The following SLC38A4 variants were observed in gnomAD, a reference collection of about 807,000 sequenced individuals.
The protein encoded by SLC38A4 is sodium-coupled neutral amino acid transporter 4.
Under a neutral mutation model 63.1 loss-of-function variants are expected in SLC38A4, and 20 were observed. That is an observed-to-expected ratio of 0.32 (90% CI 0.22 to 0.46). SLC38A4 has a LOEUF of 0.46. SLC38A4 is among the 20% of genes least tolerant of loss of function. The pLI is 1.00. For missense variants in SLC38A4, 526 were observed against 663.6 expected (o/e 0.79, Z 2.28); for synonymous variants, 230 against 225.5 (o/e 1.02, Z -0.18).
chr12:46,825,349 T>G (rs1345850346), intron 1 of SLC38A4, among the ~76,000 whole-genome samples: 1 of 144,262 alleles, frequency 6.9e-6, no homozygotes, highest in East Asian at 2.1e-4. Flanking sequence ...GATGCCTCTG[T>G]ACAGAAAGAA....
At chr12:46,779,902 C>T in intron 8 of SLC38A4, 40 bp from the exon 9 acceptor site, 1 of 1,609,302 alleles carries the variant, frequency 6.2e-7, no homozygotes, top group Non-Finnish European at 8.5e-7. Flanking sequence ...CAGAAAAGAC[C>T]AAGTAGAATG....
intron 1 of SLC38A4, among the ~76,000 whole-genome samples, chr12:46,807,751 C>T (rs1939262129): frequency 6.6e-6 from 1 of 151,938 alleles, no homozygotes; most frequent in Non-Finnish European, 1.5e-5. Flanking sequence ...TATACCTGAG[C>T]TGTCATATTA....
At chr12:46,790,555 T>C (rs936698563) in intron 3 of SLC38A4, among the ~76,000 whole-genome samples, 1 of 152,174 alleles carries the variant, frequency 6.6e-6, no homozygotes, top group Non-Finnish European at 1.5e-5. Context: ...CTGAGGACTA[T>C]AAAAACAAAA....
intron 1 of SLC38A4, among the ~76,000 whole-genome samples, chr12:46,816,719 A>G (rs1463792291): frequency 6.6e-6 from 1 of 151,916 alleles, no homozygotes; most frequent in Non-Finnish European, 1.5e-5. Flanking sequence ...CTAGTGGAGA[A>G]TAAAGGAGTA....
chr12:46,795,160 T>G (rs1938976716), intron 2 of SLC38A4, among the ~76,000 whole-genome samples: 1 of 152,082 alleles, frequency 6.6e-6, no homozygotes, highest in Admixed American at 6.6e-5. Flanking sequence ...TTGACTTGGT[T>G]TACTGATTTT....
intron 1 of SLC38A4, among the ~76,000 whole-genome samples, chr12:46,808,507 AAC>A (rs943025874): frequency 4.2e-5 from 5 of 117,850 alleles, no homozygotes; most frequent in African/African-American, 1.7e-4. Context: ...CAGCTGACAA[AAC>A]AAGAAAATTA....
Position 46,776,407 on chromosome 12 carries a change from A to G in SLC38A4, c.1174+497T>C, listed in dbSNP as rs114657599. Among the ~76,000 whole-genome samples the G allele has an allele frequency of 4.7e-3, 721 of 152,180 alleles. 6 individuals are homozygous for G. Among genetic ancestry groups the G allele is most frequent in the African/African-American group, 0.016 (673 of 41,546 alleles). ...CCTCTTTCTTAGGAAATCATTTAGT[A>G]TAACAAAATAGAATGGGATATGTCA... On this transcript the variant is annotated intron_variant, in intron 13 of 16. Transcript: ENST00000266579.
intron 2 of SLC38A4, among the ~76,000 whole-genome samples, chr12:46,794,663 A>T (rs1352786940): frequency 1.3e-5 from 2 of 151,890 alleles, no homozygotes; most frequent in Admixed American, 1.3e-4. Flanking sequence ...GAAGAGATTA[A>T]AAAAAGAAAA....
chr12:46,798,540 A>G (rs2465588), intron 2 of SLC38A4, among the ~76,000 whole-genome samples: 150,328 of 152,276 alleles, frequency 0.99, 74,211 homozygotes, highest in Middle Eastern at 1. Context: ...GCTTCTCTGA[A>G]GAAGGAGCAG....
chr12:46,812,819 A>G (rs544733234), intron 1 of SLC38A4, among the ~76,000 whole-genome samples: 1 of 152,166 alleles, frequency 6.6e-6, no homozygotes, highest in South Asian at 2.1e-4. Context: ...GGTCAGAGAA[A>G]TATCAAAGTG....
chr12:46,816,285 T>G (rs979486433), intron 1 of SLC38A4, among the ~76,000 whole-genome samples: 3 of 151,842 alleles, frequency 2.0e-5, no homozygotes, highest in African/African-American at 7.2e-5. Flanking sequence ...AAAAGGAATC[T>G]TAAAGGGTAA....
At chr12:46,771,964 A>G (rs552301831) in intron 14 of SLC38A4, among the ~76,000 whole-genome samples, 8 of 152,168 alleles carry the variant, frequency 5.3e-5, no homozygotes, top group South Asian at 2.1e-4. Flanking sequence ...CTGACCCACA[A>G]TGATTCCATT....
chr12:46,783,020 A>ATGTGTGTGTGTGTGTG lies in SLC38A4; in HGVS notation c.493+1506_493+1521dup, dbSNP rs71437771. 1.7e-3 allele frequency among the ~76,000 whole-genome samples: 172 copies of ATGTGTGTGTGTGTGTG among 103,752 alleles called. 1 individual carries two copies. The highest frequency in any genetic ancestry group is 2.3e-3 in the Admixed American group (21 of 9,046). 68.1% of individuals were successfully genotyped at this position (103,752 alleles called of 152,430 possible). On this transcript the variant is annotated intron_variant, in intron 7 of 16. Transcript: ENST00000266579. ...CCAGGTGAGCAGAGTGAGAGAGAAAATGTGTGTGTGTGTGTGTGTGTGTGT... is the reference window on the plus strand; with the variant it reads ...CCAGGTGAGCAGAGTGAGAGAGAAAATGTGTGTGTGTGTGTGTGTGTGTGTGTGTGTGTGTGTGTGT...
chr12:46,781,750 G>A (rs969630765), intron 7 of SLC38A4, among the ~76,000 whole-genome samples: 5 of 151,894 alleles, frequency 3.3e-5, no homozygotes, highest in South Asian at 4.1e-4. Context: ...CTGAGAGACC[G>A]CTTTATACTT....
intron 1 of SLC38A4, among the ~76,000 whole-genome samples, chr12:46,816,238 T>C (rs1435711736): frequency 6.6e-6 from 1 of 151,886 alleles, no homozygotes; most frequent in African/African-American, 2.4e-5. Context: ...TCTAAACCCT[T>C]AGAAAATTTC....
intron 1 of SLC38A4, among the ~76,000 whole-genome samples, chr12:46,811,351 TGG>T (rs1939336872): frequency 6.6e-6 from 1 of 151,886 alleles, no homozygotes; most frequent in Non-Finnish European, 1.5e-5. Context: ...GAGAAGCTAC[TGG>T]AGGAAGTAAC....
At position 46,769,451 on chromosome 12, in the gene SLC38A4, C is replaced by T. The variant is rs971512933; in HGVS notation, c.1300-23G>A. 6 of 1,604,246 alleles carry T rather than the reference C, an allele frequency of 3.7e-6. No homozygotes were observed. The African/African-American group carries it at 6.7e-5, about 18-fold the overall frequency. On this transcript the variant is annotated intron_variant, in intron 14 of 16. Coordinates refer to ENST00000266579, the MANE Select transcript of SLC38A4 (RefSeq NM_018018.5). ...AATCTTAAACAAGAAAGTTCAAAGG[C>T]AAGATCATTTCTTTGTTTTTGACTT...
chr12:46,771,598 G>A (rs1232405048), intron 14 of SLC38A4, among the ~76,000 whole-genome samples: 1 of 152,106 alleles, frequency 6.6e-6, no homozygotes, highest in Non-Finnish European at 1.5e-5. Flanking sequence ...TCTGAATAAG[G>A]AATAGGAAAA....
intron 2 of SLC38A4, among the ~76,000 whole-genome samples, chr12:46,802,492 T>C (rs910537463): frequency 6.6e-6 from 1 of 152,032 alleles, no homozygotes; most frequent in Admixed American, 6.6e-5. Context: ...CTGTATAACA[T>C]GTTTAAAGAA....
Sources: allele counts gnomAD v4.1 joint callset (sites outside exome capture counted in the v4.1 genomes callset), GRCh38; gene constraint gnomAD v4.1.1; transcripts MANE v1.5; gene names NCBI Gene and HGNC (gene_info 2026-07-23, HGNC 2026-07-21).